Variants in PLG observed in about 807,000 individuals in gnomAD.
PLG encodes plasminogen.
In PLG, 41 loss-of-function variants were observed where a neutral mutation model predicts 104.4. That is an observed-to-expected ratio of 0.39 (90% CI 0.31 to 0.51). PLG has a LOEUF of 0.51. Among genes scored for constraint, PLG ranks in the 20% least tolerant of loss-of-function variants. The probability of loss-of-function intolerance (pLI) is 0.76; values close to 1 mark genes in which losing one functional copy is unlikely to be tolerated. For missense variants in PLG, 891 were observed against 1,003.6 expected, an observed-to-expected ratio of 0.89 and a Z score of 1.52; for synonymous variants, 337 against 357.1, an observed-to-expected ratio of 0.94 and a Z score of 0.63.
chr6:160,747,829 C>T (rs528666702), intron 17 of PLG, among the ~76,000 whole-genome samples: 2 of 152,274 alleles, frequency 1.3e-5, no homozygotes, highest in East Asian at 3.9e-4. Context: ...TATGGGTGTG[C>T]CAGGCTGCTC....
chr6:160,706,700 T>C (rs1777534263), intron 2 of PLG, 158 bp downstream of exon 2: 4 of 727,922 alleles, frequency 5.5e-6, no homozygotes. Context: ...ACTAACAGCT[T>C]CTTGTTAAGG....
intron 6 of PLG, among the ~76,000 whole-genome samples, chr6:160,716,089 G>C (rs1777724527): frequency 6.6e-6 from 1 of 152,242 alleles, no homozygotes; most frequent in South Asian, 2.1e-4. Context: ...TGGTAGACCA[G>C]AAGGACCATT....
intron 17 of PLG, among the ~76,000 whole-genome samples, chr6:160,748,362 A>AAGAAAGAGAGAGAGAGAGAGAGAG (rs1289967086): frequency 2.7e-5 from 1 of 37,074 alleles, no homozygotes; most frequent in African/African-American, 9.4e-5. Context: ...GAAAGAAAGA[A>AAGAAAGAGAGAGAGAGAGAGAGAG]AGAAAGAAAG....
chr6:160,718,618 C>T (rs1777782977), intron 8 of PLG, 75 bp from the exon 9 acceptor site: 9 of 1,501,200 alleles, frequency 6.0e-6, no homozygotes, highest in Non-Finnish European at 8.3e-6. Flanking sequence ...TTTCCCGTAA[C>T]GGTTGTTCTC....
At chr6:160,707,545 G>T (rs556343332) in intron 2 of PLG, among the ~76,000 whole-genome samples, 155 bp from the exon 3 acceptor site, 6 of 152,258 alleles carry the variant, frequency 3.9e-5, no homozygotes, top group African/African-American at 1.2e-4. Flanking sequence ...GTACTTCATC[G>T]ATGCCATGCC....
chr6:160,742,765 T>C lies in PLG; in HGVS notation c.2125+1348T>C, dbSNP rs186135084. On this transcript the variant is annotated intron_variant, in intron 17 of 18. Transcript: ENST00000308192. ...GTGTTACCTAGGTTGTCTTCCAGGA[T>C]TTTTGTACTTTTGGATTTTACATTT... 1.5e-3 allele frequency among the ~76,000 whole-genome samples: 222 copies of C among 152,114 alleles called. 1 individual carries two copies. The highest frequency in any genetic ancestry group is 2.7e-3 in the Admixed American group (42 of 15,284).
chr6:160,721,791 AC>A (rs2115166471), intron 9 of PLG, among the ~76,000 whole-genome samples: 1 of 152,188 alleles, frequency 6.6e-6, no homozygotes, highest in Non-Finnish European at 1.5e-5. Context: ...TGGAACTTGT[AC>A]CTGTGGTGGG....
Position 160,752,038 on chromosome 6 carries a change from C to A in PLG, c.2126-77C>A. The A allele has an allele frequency of 1.5e-6, 2 of 1,306,560 alleles. No individual in the cohort carries two copies. Among genetic ancestry groups the A allele is most frequent in the South Asian group, 2.4e-5 (2 of 84,208 alleles). 80.9% of individuals were successfully genotyped at this position (1,306,560 alleles called of 1,614,324 possible). ...AGCCTCACAGACAGGAGGTCCAGTG[C>A]CGCTGCTCTGTTCTGGAATATCCTC... On this transcript the variant is annotated intron_variant, in intron 17 of 18. Coordinates refer to ENST00000308192, the MANE Select transcript of PLG (RefSeq NM_000301.5). This position sits in a 1 kb window ranked among gnomAD's most constrained non-coding sequence, Gnocchi z 4.7.
chr6:160,720,952 C>T (rs891061064), intron 9 of PLG, among the ~76,000 whole-genome samples: 1 of 151,982 alleles, frequency 6.6e-6, no homozygotes, highest in Non-Finnish European at 1.5e-5. Context: ...TTCTGGTAAC[C>T]TATTTCCAAG....
rs997340255 is a variant in PLG at position 160,754,074 on chromosome 6, G to A, written c.*1013G>A. ...CTCAAAGAGCTGTGTTTATTTCATT[G>A]ACAAATAGATTATTTGTATTCAATT... On this transcript the variant is annotated 3_prime_UTR_variant, in exon 19 of 19. Transcript: ENST00000308192. This position sits in a 1 kb window ranked among gnomAD's most constrained non-coding sequence, Gnocchi z 4.9. Among the ~76,000 whole-genome samples, 2 of 152,196 alleles carry A rather than the reference G, an allele frequency of 1.3e-5. No individual in the cohort carries two copies. Among genetic ancestry groups the A allele is most frequent in the Non-Finnish European group, 2.9e-5 (2 of 68,040 alleles).
rs1247171153 is a variant in PLG, at chr6:160,735,111, G to T, written c.1681+1023G>T. Among the ~76,000 whole-genome samples, 2 of 152,134 alleles carry T rather than the reference G, an allele frequency of 1.3e-5. No homozygotes were observed. The highest frequency in any genetic ancestry group is 4.1e-4 in the South Asian group (2 of 4,820). ...TACTTGGCCAATATTATTGTAATGC[G>T]GCATTGTGATCTCTGGATTTAGCAT... On this transcript the variant is annotated intron_variant, in intron 13 of 18. Coordinates refer to ENST00000308192, the MANE Select transcript of PLG (RefSeq NM_000301.5). This position sits in a 1 kb window ranked among gnomAD's most constrained non-coding sequence, Gnocchi z 5.4.
At chr6:160,715,412 A>C (rs1464669655) in intron 6 of PLG, among the ~76,000 whole-genome samples, 1 of 152,098 alleles carries the variant, frequency 6.6e-6, no homozygotes, top group African/African-American at 2.4e-5. Context: ...CTGATGTTTT[A>C]TGTATATTTA....
chr6:160,736,887 C>A lies in PLG; in HGVS notation c.1682C>A (p.Ala561Glu). 6.2e-7 allele frequency: 1 copy of A among 1,613,708 alleles called. No individual in the cohort carries two copies. Among genetic ancestry groups the A allele is most frequent in the Non-Finnish European group, 8.5e-7 (1 of 1,179,708 alleles). The stretch of plus-strand genomic sequence containing the variant: ...ATTTCTTTCCCACCTTGTGCCACAG[C>A]GGCCCCTTCATTTGATTGTGGGAAG... ...LYDYCDVPQC[A>E]APSFDCGKPQ... Residue 561 changes from alanine (A) to glutamate (E), a missense_variant and splice_region_variant, in exon 14 of 19, where the codon GCG (alanine) becomes GAG (glutamate). By Grantham distance (107) the Ala-to-Glu change is moderately radical. This residue lies in a region of PLG where 854 missense variants were observed against 932.1 expected (regional missense o/e 0.92). Coordinates refer to ENST00000308192, the MANE Select transcript of PLG (RefSeq NM_000301.5). The surrounding 1 kb of genome is among the most constrained non-coding windows in gnomAD (Gnocchi z 5.2).
At chr6:160,750,044 GGCCT>G (rs1357985317) in intron 17 of PLG, among the ~76,000 whole-genome samples, 2 of 152,200 alleles carry the variant, frequency 1.3e-5, no homozygotes, top group Non-Finnish European at 2.9e-5. Context: ...ACATAACTCA[GGCCT>G]GCTCCTCAAT....
At position 160,744,115 on chromosome 6, in the gene PLG, G is replaced by A. The variant is rs1220558234; in HGVS notation, c.2125+2698G>A. ...TGTTCATCAAGGATATTGGCCTGAA[G>A]TTTTTTGTTGTTTTTGTGTCTCTGC... On this transcript the variant is annotated intron_variant, in intron 17 of 18. Transcript: ENST00000308192. The surrounding 1 kb of genome is among the most constrained non-coding windows in gnomAD (Gnocchi z 4.5). Among the ~76,000 whole-genome samples, 1 of 152,058 alleles carries A rather than the reference G, an allele frequency of 6.6e-6. No homozygotes were observed. The highest frequency in any genetic ancestry group is 1.5e-5 in the Non-Finnish European group (1 of 67,952).
At chr6:160,750,114 G>A (rs1778378531) in intron 17 of PLG, among the ~76,000 whole-genome samples, 1 of 152,208 alleles carries the variant, frequency 6.6e-6, no homozygotes, top group Non-Finnish European at 1.5e-5. Context: ...TTCTCAGAGG[G>A]AAGTTGAAAT....
chr6:160,733,999 G>A lies in PLG; in HGVS notation c.1592G>A (p.Cys531Tyr). ...TACATGCCTTCTTGTTTTCAGTACT[G>A]CCGTAACCCTGATGGTGATGTAGGT... is the stretch of plus-strand genomic sequence containing the variant. ...NPRAGLEKNY[C>Y]RNPDGDVGGP... Residue 531 changes from cysteine (C) to tyrosine (Y), a missense_variant, in exon 13 of 19, where the codon TGC becomes TAC. Cys to Tyr is a radical substitution (Grantham distance 194, BLOSUM62 -2). This residue lies in a region of PLG where 854 missense variants were observed against 932.1 expected (regional missense o/e 0.92). Transcript: ENST00000308192. 6.3e-7 allele frequency: 1 copy of A among 1,597,318 alleles called. No individual in the cohort carries two copies. Among genetic ancestry groups the A allele is most frequent in the Non-Finnish European group, 8.6e-7 (1 of 1,165,058 alleles).
Position 160,753,366 on chromosome 6 carries a change from G to A in PLG, c.*305G>A. On this transcript the variant is annotated 3_prime_UTR_variant, in exon 19 of 19. Coordinates refer to ENST00000308192, the MANE Select transcript of PLG (RefSeq NM_000301.5). This position sits in a 1 kb window ranked among gnomAD's most constrained non-coding sequence, Gnocchi z 5.4. ...ACCAATTTTTAAATGGGCAGATGGG[G>A]GGATTTAGCTGCTTTTGATAAGGAA... 1 of 422,592 alleles carries A rather than the reference G, an allele frequency of 2.4e-6. No homozygotes were observed. 26.2% of individuals were successfully genotyped at this position (422,592 alleles called of 1,614,324 possible).
rs1688279309 is a variant in PLG, at chr6:160,725,403, A to T, written c.1256+2836A>T. On this transcript the variant is annotated intron_variant, in intron 10 of 18. Transcript: ENST00000308192. This position sits in a 1 kb window ranked among gnomAD's most constrained non-coding sequence, Gnocchi z 6.3. The stretch of plus-strand genomic sequence containing the variant: ...CATTATCCATGAAGTTATATAATAC[A>T]CATGGTTGAAGGTGGTAAGTTAAAG... 6.6e-6 allele frequency among the ~76,000 whole-genome samples: 1 copy of T among 152,186 alleles called. No homozygotes were observed. Among genetic ancestry groups the T allele is most frequent in the Non-Finnish European group, 1.5e-5 (1 of 68,036 alleles).
Sources: allele counts gnomAD v4.1 joint callset (sites outside exome capture counted in the v4.1 genomes callset), GRCh38; gene constraint gnomAD v4.1.1; regional missense constraint gnomAD v4.1.1; non-coding constraint Gnocchi (gnomAD v3.1); transcripts MANE v1.5; gene names NCBI Gene and HGNC (gene_info 2026-07-23, HGNC 2026-07-21).